The following CDH12 variants were observed in gnomAD, a reference collection of about 807,000 sequenced individuals.
CDH12 encodes the protein cadherin-12.
CDH12 carries 41 observed loss-of-function variants against 74.1 expected under a neutral mutation model. The ratio of observed to expected loss-of-function variants is 0.55; its 90% CI spans 0.43 to 0.72. CDH12 has a LOEUF of 0.72. Among genes scored for constraint, CDH12 ranks in the 30% least tolerant of loss-of-function variants. The pLI is 0.00. For missense variants in CDH12, 945 were observed against 977.2 expected (o/e 0.97, Z 0.44); for synonymous variants, 399 against 355.0 (o/e 1.12, Z -1.39).
chr5:22,527,311 T>C (rs535652230), intron 1 of CDH12, among the ~76,000 whole-genome samples: 2 of 152,290 alleles, frequency 1.3e-5, no homozygotes, highest in South Asian at 2.1e-4. Context: ...TGGGAATTGA[T>C]TGAGAGTCAT....
At chr5:22,570,180 C>T (rs1393627986) in intron 1 of CDH12, among the ~76,000 whole-genome samples, 3 of 151,674 alleles carry the variant, frequency 2.0e-5, no homozygotes, top group Admixed American at 6.6e-5. Context: ...CTCAGCCTCT[C>T]GAGCAGCTGG....
At chr5:22,510,825 A>G (rs1736572272) in intron 1 of CDH12, among the ~76,000 whole-genome samples, 1 of 152,150 alleles carries the variant, frequency 6.6e-6, no homozygotes, top group South Asian at 2.1e-4. Flanking sequence ...TTCTTTAATT[A>G]TATCATACAT....
At chr5:22,473,898 G>A (rs1746064633) in intron 2 of CDH12, among the ~76,000 whole-genome samples, 1 of 152,046 alleles carries the variant, frequency 6.6e-6, no homozygotes, top group Non-Finnish European at 1.5e-5. Context: ...AATTCAATCT[G>A]AGTATAGAAT....
intron 3 of CDH12, among the ~76,000 whole-genome samples, chr5:22,378,547 T>G (rs751182581): frequency 6.6e-6 from 1 of 151,976 alleles, no homozygotes; most frequent in African/African-American, 2.4e-5. Flanking sequence ...GAGTATGAAT[T>G]AGGGTGTAAA....
intron 3 of CDH12, among the ~76,000 whole-genome samples, chr5:22,349,436 T>A (rs2920754): frequency 0.95 from 144,771 of 152,222 alleles, 68,940 homozygotes; most frequent in Non-Finnish European, 0.98. Context: ...CAGATTTCAA[T>A]TCCTGTTTAC....
At chr5:22,332,538 A>G (rs1220419861) in intron 3 of CDH12, among the ~76,000 whole-genome samples, 1 of 152,142 alleles carries the variant, frequency 6.6e-6, no homozygotes, top group African/African-American at 2.4e-5. Flanking sequence ...CACCTACAGA[A>G]TGGGAGAATA....
At chr5:21,882,470 TA>T in intron 6 of CDH12, 2 of 668,222 alleles carry the variant, frequency 3.0e-6, no homozygotes, top group South Asian at 3.6e-5. Flanking sequence ...ATGTTCCATT[TA>T]TAGTACAACT....
chr5:22,663,575 A>C (rs1740455707), intron 1 of CDH12, among the ~76,000 whole-genome samples: 1 of 152,214 alleles, frequency 6.6e-6, no homozygotes, highest in Non-Finnish European at 1.5e-5. Flanking sequence ...CTTTACAAAC[A>C]AAAGTACTTA....
At chr5:21,937,716 G>C (rs1755139675) in intron 6 of CDH12, among the ~76,000 whole-genome samples, 1 of 152,122 alleles carries the variant, frequency 6.6e-6, no homozygotes, top group African/African-American at 2.4e-5. Context: ...GTCCCACAGG[G>C]AGAGCTGCCC....
intron 1 of CDH12, among the ~76,000 whole-genome samples, chr5:22,572,750 C>G (rs577842772): frequency 4.6e-5 from 7 of 152,030 alleles, no homozygotes; most frequent in Non-Finnish European, 7.4e-5. Flanking sequence ...AATTCTTTAC[C>G]TCACTTATTC....
intron 6 of CDH12, among the ~76,000 whole-genome samples, chr5:21,868,063 TG>T (rs1226402249): frequency 6.6e-6 from 1 of 152,150 alleles, no homozygotes; most frequent in African/African-American, 2.4e-5. Context: ...TTCTCACTCT[TG>T]TCTTGTCTGC....
intron 1 of CDH12, among the ~76,000 whole-genome samples, chr5:22,669,237 A>C (rs1740781451): frequency 6.6e-6 from 1 of 152,166 alleles, no homozygotes; most frequent in Non-Finnish European, 1.5e-5. Flanking sequence ...CAACCCAGGA[A>C]CTGTTGCTAG....
intron 1 of CDH12, among the ~76,000 whole-genome samples, chr5:22,812,123 T>G (rs151137687): frequency 6.6e-6 from 1 of 152,240 alleles, no homozygotes; most frequent in African/African-American, 2.4e-5. Flanking sequence ...ACTGGACATA[T>G]AAGATTATGA....
At chr5:22,840,934 G>T (rs1737055641) in intron 1 of CDH12, among the ~76,000 whole-genome samples, 1 of 152,226 alleles carries the variant, frequency 6.6e-6, no homozygotes, top group East Asian at 1.9e-4. Context: ...TCCAGGAAAA[G>T]CAAGAAGAGT....
In CDH12 at chr5:22,365,925, A is replaced by G. The variant is rs1013396913; in HGVS notation, c.-333+39332T>C. On this transcript the variant is annotated intron_variant, in intron 3 of 14. Transcript: ENST00000382254. ...CCAGTGAATATTTTTCAATTGAGTGACATGGAAAAATTATACTCAGTCTAT... is the reference window on the plus strand; with the variant it reads ...CCAGTGAATATTTTTCAATTGAGTGGCATGGAAAAATTATACTCAGTCTAT... Among the ~76,000 whole-genome samples, 17 of 152,088 alleles carry G rather than the reference A, an allele frequency of 1.1e-4. 1 individual carries two copies. The highest frequency in any genetic ancestry group is 1.1e-3 in the Admixed American group (17 of 15,218).
At chr5:22,691,412 A>C (rs1742077490) in intron 1 of CDH12, among the ~76,000 whole-genome samples, 1 of 152,344 alleles carries the variant, frequency 6.6e-6, no homozygotes, top group Non-Finnish European at 1.5e-5. Context: ...ATTTGGGACT[A>C]GGACCATGGC....
chr5:21,813,489 TAAATAAATAA>T (rs1747867576), intron 9 of CDH12, among the ~76,000 whole-genome samples: 1 of 151,764 alleles, frequency 6.6e-6, no homozygotes, highest in South Asian at 2.1e-4. Context: ...TCAAAATAAA[TAAATAAATAA>T]AAATAAATAA....
intron 3 of CDH12, among the ~76,000 whole-genome samples, chr5:22,275,514 G>A (rs1736594363): frequency 6.6e-6 from 1 of 152,094 alleles, no homozygotes; most frequent in African/African-American, 2.4e-5. Flanking sequence ...AAGAGAAGAG[G>A]TATATTTAAA....
intron 6 of CDH12, among the ~76,000 whole-genome samples, chr5:21,896,219 G>A (rs1753117085): frequency 6.6e-6 from 1 of 152,158 alleles, no homozygotes; most frequent in Non-Finnish European, 1.5e-5. Context: ...TGGAGAGTGA[G>A]AGTGAGAAAA....
Sources: allele counts gnomAD v4.1 joint callset (sites outside exome capture counted in the v4.1 genomes callset), GRCh38; gene constraint gnomAD v4.1.1; transcripts MANE v1.5; gene names NCBI Gene and HGNC (gene_info 2026-07-23, HGNC 2026-07-21).